Variants in ADAMTSL1 observed in about 807,000 individuals in gnomAD.
ADAMTSL1 encodes ADAMTS-like protein 1.
In ADAMTSL1, 126 loss-of-function variants were observed where a neutral mutation model predicts 201.8. The observed-to-expected ratio is 0.62, with a 90% confidence interval of 0.54 to 0.72. The LOEUF (loss-of-function observed/expected upper bound fraction) is 0.72, where lower values mean the gene tolerates loss of function less well. Ranked by LOEUF, ADAMTSL1 falls within the 30% of genes least tolerant of loss-of-function variation. The pLI, the probability that ADAMTSL1 is intolerant of heterozygous loss-of-function variation, is 0.00. For missense variants in ADAMTSL1, 2,679 were observed against 2,277.8 expected (o/e 1.18, Z -3.59); for synonymous variants, 1,121 against 903.4 (o/e 1.24, Z -4.32).
At chr9:18,394,227 C>T (rs760943656) in intron 2 of ADAMTSL1, among the ~76,000 whole-genome samples, 7 of 151,932 alleles carry the variant, frequency 4.6e-5, no homozygotes, top group Non-Finnish European at 8.8e-5. Flanking sequence ...TAAAAATTAG[C>T]GGGGGATTGC....
chr9:17,989,607 A>G (rs1185147143), intron 1 of ADAMTSL1, among the ~76,000 whole-genome samples: 1 of 152,036 alleles, frequency 6.6e-6, no homozygotes, highest in Non-Finnish European at 1.5e-5. Context: ...ATAATTTTGC[A>G]TTAGTGGACA....
At chr9:18,853,259 G>T (rs1814370) in intron 23 of ADAMTSL1, among the ~76,000 whole-genome samples, 52,375 of 152,058 alleles carry the variant, frequency 0.34, 10,218 homozygotes, top group Non-Finnish European at 0.44. Flanking sequence ...CTGGCCAGGT[G>T]GAGCCAATTT....
At chr9:18,336,188 T>C (rs1320410030) in intron 2 of ADAMTSL1, among the ~76,000 whole-genome samples, 1 of 152,162 alleles carries the variant, frequency 6.6e-6, no homozygotes, top group Non-Finnish European at 1.5e-5. Flanking sequence ...GATGGACCTA[T>C]GAAAGAGCTT....
intron 2 of ADAMTSL1, among the ~76,000 whole-genome samples, chr9:18,415,702 C>T (rs1483308697): frequency 6.6e-6 from 1 of 151,758 alleles, no homozygotes; most frequent in Non-Finnish European, 1.5e-5. Context: ...AGAATCTCAA[C>T]AAACTCTAAG....
At chr9:18,218,440 A>G (rs889067937) in intron 2 of ADAMTSL1, among the ~76,000 whole-genome samples, 96 of 152,296 alleles carry the variant, frequency 6.3e-4, no homozygotes, top group African/African-American at 2.2e-3. Flanking sequence ...GATGAGCTTA[A>G]TCATTCCTAC....
Position 18,226,825 on chromosome 9 carries a change from GA to G in ADAMTSL1, c.207+62851del, listed in dbSNP as rs915521407. On this transcript the variant is annotated intron_variant, in intron 2 of 29. Coordinates refer to the ADAMTSL1 transcript ENST00000680146. Reference sequence around the variant, plus strand: ...ATTTTAATGAATTTTAAAATCAGAAGAAAAAAATTAATAATAGTAATGAATA... The same window carrying G: ...ATTTTAATGAATTTTAAAATCAGAAGAAAAAATTAATAATAGTAATGAATA... 1.6e-4 allele frequency among the ~76,000 whole-genome samples: 24 copies of G among 152,106 alleles called. No homozygotes were observed. In the East Asian group the frequency reaches 1.7e-3, roughly 11 times the overall value.
At chr9:18,354,608 A>G (rs1460208406) in intron 2 of ADAMTSL1, among the ~76,000 whole-genome samples, 1 of 152,182 alleles carries the variant, frequency 6.6e-6, no homozygotes, top group African/African-American at 2.4e-5. Flanking sequence ...CAGTGCAGAC[A>G]GTAGGCAACA....
intron 1 of ADAMTSL1, among the ~76,000 whole-genome samples, chr9:18,006,646 A>G (rs545462135): frequency 2.0e-5 from 3 of 152,044 alleles, no homozygotes; most frequent in African/African-American, 7.2e-5. Flanking sequence ...CAGATTCCTC[A>G]TCTGTAAGTT....
At chr9:18,383,628 G>A (rs1025798293) in intron 2 of ADAMTSL1, among the ~76,000 whole-genome samples, 1 of 152,122 alleles carries the variant, frequency 6.6e-6, no homozygotes, top group Non-Finnish European at 1.5e-5. Context: ...AAGCATCCTG[G>A]TTGACTGTCC....
intron 2 of ADAMTSL1, among the ~76,000 whole-genome samples, chr9:18,380,184 C>A (rs1253970565): frequency 6.6e-6 from 1 of 152,030 alleles, no homozygotes; most frequent in East Asian, 1.9e-4. Context: ...CTAAGCTTTT[C>A]TTTTAATTTG....
chr9:18,366,803 A>T (rs541152434), intron 2 of ADAMTSL1, among the ~76,000 whole-genome samples: 17 of 151,868 alleles, frequency 1.1e-4, no homozygotes, highest in African/African-American at 4.1e-4. Flanking sequence ...TTTTTAGTAG[A>T]GACACCAATG....
At chr9:18,007,415 A>G (rs1819871859) in intron 1 of ADAMTSL1, among the ~76,000 whole-genome samples, 1 of 152,036 alleles carries the variant, frequency 6.6e-6, no homozygotes, top group African/African-American at 2.4e-5. Flanking sequence ...CAGGTGTCAT[A>G]CTACCATATC....
chr9:18,594,412 G>T (rs113019649), intron 4 of ADAMTSL1, among the ~76,000 whole-genome samples: 39 of 151,880 alleles, frequency 2.6e-4, no homozygotes, highest in African/African-American at 8.9e-4. Flanking sequence ...TTTGAATATT[G>T]TCTCTACACC....
intron 13 of ADAMTSL1, among the ~76,000 whole-genome samples, chr9:18,703,157 C>G (rs1832022735): frequency 2.0e-5 from 3 of 152,080 alleles, no homozygotes; most frequent in Admixed American, 2.0e-4. Context: ...AAAAATTTCC[C>G]TCTATTTTAA....
chr9:18,369,231 G>T (rs1836926820), intron 2 of ADAMTSL1, among the ~76,000 whole-genome samples: 2 of 152,064 alleles, frequency 1.3e-5, no homozygotes, highest in Non-Finnish European at 2.9e-5. Context: ...CTCACAACTC[G>T]ACCTCACAGC....
chr9:17,998,644 C>T (rs1819484590), intron 1 of ADAMTSL1, among the ~76,000 whole-genome samples: 2 of 151,918 alleles, frequency 1.3e-5, no homozygotes, highest in Admixed American at 1.3e-4. Context: ...AAGGTAAATG[C>T]TTTGGAAAAG....
chr9:18,117,301 A>G (rs1825294303), intron 1 of ADAMTSL1, among the ~76,000 whole-genome samples: 1 of 152,142 alleles, frequency 6.6e-6, no homozygotes, highest in African/African-American at 2.4e-5. Context: ...AGTCTGTTAA[A>G]TGACCTCTAA....
chr9:18,457,536 G>T (rs1194426254), intron 2 of ADAMTSL1, among the ~76,000 whole-genome samples: 1 of 152,042 alleles, frequency 6.6e-6, no homozygotes, highest in African/African-American at 2.4e-5. Flanking sequence ...AGCTCACTTT[G>T]TCACCCAGGG....
intron 2 of ADAMTSL1, among the ~76,000 whole-genome samples, chr9:18,200,658 C>G (rs1481970652): frequency 2.0e-5 from 3 of 151,792 alleles, no homozygotes; most frequent in Non-Finnish European, 1.5e-5. Context: ...TTAGGGAAAC[C>G]TTGTGACGTA....
Sources: gnomAD v4.1 joint callset for allele counts (sites outside exome capture counted in the v4.1 genomes callset) on GRCh38, gnomAD v4.1.1 for gene constraint, MANE v1.5 for transcripts, NCBI Gene and HGNC (gene_info 2026-07-23, HGNC 2026-07-21) for gene names.